Variants in CHN2 observed in about 807,000 individuals in gnomAD.
The protein encoded by CHN2 is beta-chimaerin.
Under a neutral mutation model 56.3 loss-of-function variants are expected in CHN2, and 35 were observed. The observed-to-expected ratio is 0.62, with a 90% CI of 0.47 to 0.82. The LOEUF (loss-of-function observed/expected upper bound fraction) is 0.82, where lower values mean the gene tolerates loss of function less well. Ranked by LOEUF, CHN2 falls within the 40% of genes least tolerant of loss-of-function variation. The pLI is 0.00. For synonymous variants in CHN2, 210 were observed against 212.8 expected (o/e 0.99, Z 0.12); for missense variants, 491 against 580.5 (o/e 0.85, Z 1.58).
intron 7 of CHN2, among the ~76,000 whole-genome samples, chr7:29,494,128 C>T (rs557865544): frequency 2.0e-5 from 3 of 152,316 alleles, no homozygotes; most frequent in South Asian, 4.1e-4. Flanking sequence ...CTGTCCCTTT[C>T]TCTTTCCCTG....
intron 6 of CHN2, among the ~76,000 whole-genome samples, chr7:29,437,613 A>G (rs1441438154): frequency 1.3e-5 from 2 of 151,084 alleles, no homozygotes; most frequent in East Asian, 3.9e-4. Context: ...AAAAAAAAAA[A>G]GATATCTAAA....
chr7:29,445,802 A>G (rs1783990535), intron 6 of CHN2, among the ~76,000 whole-genome samples: 1 of 152,184 alleles, frequency 6.6e-6, no homozygotes, highest in Non-Finnish European at 1.5e-5. Flanking sequence ...TTTCTAACAA[A>G]TTAAATAAAT....
intron 7 of CHN2, among the ~76,000 whole-genome samples, chr7:29,482,674 C>T (rs528267679): frequency 3.3e-5 from 5 of 151,678 alleles, no homozygotes; most frequent in South Asian, 2.1e-4. Context: ...ATTTGTAATT[C>T]GGGTTAATAT....
chr7:29,278,934 C>A (rs1044182448), intron 1 of CHN2, among the ~76,000 whole-genome samples: 1 of 152,110 alleles, frequency 6.6e-6, no homozygotes, highest in Non-Finnish European at 1.5e-5. Flanking sequence ...AACATGCCTC[C>A]CCTTGCTGCC....
chr7:29,280,375 C>T (rs1791597236), intron 1 of CHN2, among the ~76,000 whole-genome samples: 1 of 43,502 alleles, frequency 2.3e-5, no homozygotes, highest in South Asian at 5.9e-4. Context: ...CAGAGCGAGG[C>T]TCCGTCTCAT....
intron 1 of CHN2, among the ~76,000 whole-genome samples, chr7:29,294,042 G>A (rs1049624780): frequency 6.6e-6 from 1 of 151,692 alleles, no homozygotes; most frequent in Non-Finnish European, 1.5e-5. Context: ...AATTTTTTGT[G>A]TTTTTAGTAG....
At chr7:29,422,807 G>A (rs1804479385) in intron 6 of CHN2, among the ~76,000 whole-genome samples, 1 of 152,208 alleles carries the variant, frequency 6.6e-6, no homozygotes, top group Admixed American at 6.5e-5. Context: ...GCTGGAAGCT[G>A]AGTGGTTCCC....
chr7:29,490,644 T>A (rs1220533989), intron 7 of CHN2, among the ~76,000 whole-genome samples: 1 of 152,224 alleles, frequency 6.6e-6, no homozygotes, highest in Non-Finnish European at 1.5e-5. Context: ...CCCCATTAAT[T>A]TGTAATGCCA....
chr7:29,221,062 G>C lies in CHN2; in HGVS notation c.49+26072G>C, dbSNP rs1785755435. On this transcript the variant is annotated intron_variant, in intron 1 of 12. Coordinates refer to ENST00000222792, the MANE Select transcript of CHN2 (RefSeq NM_004067.4). Reference sequence around the variant, plus strand: ...GAAGACTAATTTGATTCCGCACTTGGTTATAATAAAAATTCTCAACAAACT... The same window carrying C: ...GAAGACTAATTTGATTCCGCACTTGCTTATAATAAAAATTCTCAACAAACT... 2.0e-5 allele frequency among the ~76,000 whole-genome samples: 3 copies of C among 152,204 alleles called. No individual in the cohort carries two copies. The South Asian group carries it at 6.2e-4, about 32-fold the overall frequency.
intron 6 of CHN2, among the ~76,000 whole-genome samples, chr7:29,459,212 A>T (rs2128136221): frequency 6.6e-6 from 1 of 152,292 alleles, no homozygotes; most frequent in South Asian, 2.1e-4. Flanking sequence ...TTAACTTTTT[A>T]AAGTTCTCAT....
upstream of CHN2, chr7:29,191,616 C>T (rs1429592121): frequency 1.3e-5 from 2 of 152,172 alleles, no homozygotes; most frequent in Non-Finnish European, 2.9e-5. Context: ...TTAAGAAGCC[C>T]ACATTATCCA....
intron 2 of CHN2, among the ~76,000 whole-genome samples, chr7:29,176,405 T>C (rs1466890636): frequency 1.3e-5 from 2 of 152,098 alleles, no homozygotes; most frequent in Admixed American, 6.6e-5. Flanking sequence ...AGATTAATAG[T>C]GGACTTCTTA....
intron 1 of CHN2, among the ~76,000 whole-genome samples, chr7:29,262,552 G>GTTGACTTCAT (rs1311341460): frequency 5.3e-5 from 8 of 152,290 alleles, no homozygotes; most frequent in Admixed American, 3.9e-4. Flanking sequence ...TTTTCTTTGT[G>GTTGACTTCAT]TTGACTTCAT....
chr7:29,186,008 A>G (rs1242647659), intron 2 of CHN2, among the ~76,000 whole-genome samples: 1 of 152,176 alleles, frequency 6.6e-6, no homozygotes, highest in Non-Finnish European at 1.5e-5. Context: ...GCAGATGCTC[A>G]CTGTATTGTT....
intron 9 of CHN2, among the ~76,000 whole-genome samples, chr7:29,503,154 ATAAT>A (rs1790159086): frequency 6.6e-6 from 1 of 152,308 alleles, no homozygotes; most frequent in African/African-American, 2.4e-5. Flanking sequence ...CTCCAAAGAA[ATAAT>A]TAAGGCTAAA....
intron 1 of CHN2, chr7:29,200,554 A>G (rs1051955979): frequency 6.9e-6 from 1 of 143,944 alleles, no homozygotes; most frequent in Non-Finnish European, 1.5e-5. Flanking sequence ...CATCAATCCC[A>G]CATTTGGTTT....
At chr7:29,393,075 T>C (rs1801486699) in intron 3 of CHN2, among the ~76,000 whole-genome samples, 1 of 152,354 alleles carries the variant, frequency 6.6e-6, no homozygotes, top group African/African-American at 2.4e-5. Flanking sequence ...GCTAAAGCTG[T>C]GATTGAAAGA....
At chr7:29,500,443 T>C (rs985260476) in intron 9 of CHN2, among the ~76,000 whole-genome samples, 3 of 152,036 alleles carry the variant, frequency 2.0e-5, no homozygotes, top group Admixed American at 2.0e-4. Context: ...ATGGGCAACA[T>C]AGTGAGACCC....
chr7:29,363,487 ACACCAC>A (rs968469952), intron 2 of CHN2, among the ~76,000 whole-genome samples: 2 of 152,000 alleles, frequency 1.3e-5, no homozygotes, highest in Admixed American at 6.6e-5. Context: ...TCCATCTCAA[ACACCAC>A]CACCACCACC....
Sources: gnomAD v4.1 joint callset for allele counts (sites outside exome capture counted in the v4.1 genomes callset) on GRCh38, gnomAD v4.1.1 for gene constraint, MANE v1.5 for transcripts, NCBI Gene and HGNC (gene_info 2026-07-23, HGNC 2026-07-21) for gene names.